The following JAK1 variants were observed in gnomAD, a reference collection of about 807,000 sequenced individuals.
The protein encoded by JAK1 is Janus kinase 1.
JAK1 carries 16 observed loss-of-function variants against 136.6 expected under a neutral mutation model. The observed-to-expected ratio is 0.12, with a 90% CI of 0.08 to 0.18. The LOEUF (loss-of-function observed/expected upper bound fraction) is 0.18. JAK1 is among the 10% of genes least tolerant of loss of function. The pLI is 1.00. For missense variants in JAK1, 859 were observed against 1,450.1 expected (o/e 0.59, Z 6.62); for synonymous variants, 492 against 519.5 (o/e 0.95, Z 0.72).
chr1:65,030,496 A>T (rs1484491747), intron 2 of JAK1, among the ~76,000 whole-genome samples: 1 of 152,010 alleles, frequency 6.6e-6, no homozygotes, highest in East Asian at 1.9e-4. Flanking sequence ...GTGTTTGATG[A>T]GGAACAGAAT....
chr1:64,853,442 C>T (rs974390599), intron 11 of JAK1, among the ~76,000 whole-genome samples: 20 of 152,172 alleles, frequency 1.3e-4, no homozygotes, highest in African/African-American at 4.8e-4. Flanking sequence ...CCTAAGTGAT[C>T]TTGGGCATGT....
At chr1:64,960,758 T>C (rs1205943427) in intron 1 of JAK1, among the ~76,000 whole-genome samples, 5 of 152,262 alleles carry the variant, frequency 3.3e-5, no homozygotes, top group Non-Finnish European at 5.9e-5. Context: ...CAGACCTTCT[T>C]ACATACCTCC....
In JAK1 at chr1:64,999,993, G is replaced by GTT. The variant is rs370410704; in HGVS notation, c.-78+44485_-78+44486dup. Among the ~76,000 whole-genome samples the GTT allele has an allele frequency of 2.6e-3, 370 of 141,576 alleles. 2 individuals are homozygous for GTT. The highest frequency in any genetic ancestry group is 8.0e-3 in the African/African-American group (312 of 38,896). The allele number at this position is 141,576 out of a possible 152,430, so 92.9% of individuals were successfully genotyped here. A position where few individuals can be genotyped will look rare whatever the true frequency, so the allele number is the denominator to read the frequency against. On this transcript the variant is annotated intron_variant, in intron 2 of 25. Transcript: ENST00000671954. ...TGGGGGTTGGGGGAGAGAATCATAA[G>GTT]TTTTTTTTTTTTTTTTAAGATGGAG... is the stretch of plus-strand genomic sequence containing the variant.
At chr1:64,986,517 T>C (rs1027510511) in intron 2 of JAK1, among the ~76,000 whole-genome samples, 2 of 152,170 alleles carry the variant, frequency 1.3e-5, no homozygotes, top group African/African-American at 4.8e-5. Context: ...GCAAGTTTTC[T>C]CCAGGTCCTC....
At chr1:65,054,718 C>T (rs993945542) in intron 1 of JAK1, among the ~76,000 whole-genome samples, 1 of 152,160 alleles carries the variant, frequency 6.6e-6, no homozygotes, top group African/African-American at 2.4e-5. Context: ...AGAGATGCCA[C>T]ATCAGGTGAC....
At chr1:65,016,948 A>G (rs1646896482) in intron 2 of JAK1, among the ~76,000 whole-genome samples, 1 of 152,186 alleles carries the variant, frequency 6.6e-6, no homozygotes, top group Non-Finnish European at 1.5e-5. Flanking sequence ...TTTACTGTAT[A>G]CATTTTATCA....
chr1:64,891,993 G>C (rs965986549), intron 1 of JAK1, among the ~76,000 whole-genome samples: 3 of 152,266 alleles, frequency 2.0e-5, no homozygotes, highest in Non-Finnish European at 4.4e-5. Context: ...TTCAGTGAGA[G>C]ACAGTTTTTG....
intron 1 of JAK1, among the ~76,000 whole-genome samples, chr1:64,952,042 G>T (rs1244685595): frequency 6.6e-6 from 1 of 152,094 alleles, no homozygotes. Flanking sequence ...CAGTAAATGT[G>T]GTTAAGTTTC....
At chr1:65,020,221 G>A (rs751186040) in intron 2 of JAK1, among the ~76,000 whole-genome samples, 12 of 94,622 alleles carry the variant, frequency 1.3e-4, no homozygotes, top group African/African-American at 1.8e-4. Context: ...GCAAAACTCC[G>A]TCTCAAAAAA....
At chr1:64,971,366 A>AT (rs969625532), upstream of JAK1, among the ~76,000 whole-genome samples, 2 of 151,732 alleles carry the variant, frequency 1.3e-5, no homozygotes, top group East Asian at 1.9e-4. Context: ...CATGCAAATA[A>AT]TTTTTTTTTG....
intron 2 of JAK1, among the ~76,000 whole-genome samples, chr1:64,979,386 G>A (rs1013595594): frequency 2.0e-5 from 3 of 152,142 alleles, no homozygotes; most frequent in African/African-American, 4.8e-5. Context: ...GTGACAGAGT[G>A]AGACCTCACT....
chr1:64,903,080 G>A (rs951165717), intron 1 of JAK1, among the ~76,000 whole-genome samples: 9 of 152,176 alleles, frequency 5.9e-5, no homozygotes, highest in Non-Finnish European at 1.0e-4. Context: ...AGGCTGGAGT[G>A]CAATGGCATG....
chr1:64,906,391 TG>T (rs1427063740), intron 1 of JAK1, among the ~76,000 whole-genome samples: 1 of 151,558 alleles, frequency 6.6e-6, no homozygotes, highest in Non-Finnish European at 1.5e-5. Context: ...AAAAGCAACC[TG>T]GAATTCCCAC....
intron 23 of JAK1, 45 bp from the exon 24 acceptor site, chr1:64,835,551 T>C: frequency 8.7e-7 from 1 of 1,145,642 alleles, no homozygotes; most frequent in Non-Finnish European, 1.3e-6. Flanking sequence ...TTGCAAGTAT[T>C]TACATAAATG....
At chr1:64,995,164 A>T (rs1396464141) in intron 2 of JAK1, 5 of 152,208 alleles carry the variant, frequency 3.3e-5, no homozygotes, top group Admixed American at 2.6e-4. Context: ...TGACTCAACC[A>T]ATTAACCAAT....
At chr1:64,976,059 T>C (rs976979553) in intron 2 of JAK1, among the ~76,000 whole-genome samples, 4 of 152,232 alleles carry the variant, frequency 2.6e-5, no homozygotes, top group African/African-American at 9.6e-5. Context: ...ACAGTTCCCA[T>C]TGGGTCACTG....
At chr1:64,842,275 G>A (rs1179753945) in intron 17 of JAK1, among the ~76,000 whole-genome samples, 1 of 151,692 alleles carries the variant, frequency 6.6e-6, no homozygotes, top group East Asian at 1.9e-4. Context: ...TGCAGTGATT[G>A]CTGTTTTCTT....
chr1:64,840,534 C>T (rs1189111023), intron 19 of JAK1, among the ~76,000 whole-genome samples: 1 of 152,186 alleles, frequency 6.6e-6, no homozygotes, highest in Admixed American at 6.5e-5. Context: ...TAAACCTATC[C>T]CTGCTCTAAA....
At chr1:64,890,030 T>C (rs1644911767) in intron 1 of JAK1, among the ~76,000 whole-genome samples, 1 of 152,176 alleles carries the variant, frequency 6.6e-6, no homozygotes, top group Non-Finnish European at 1.5e-5. Flanking sequence ...ATTTCTGAAG[T>C]AGAAAATACA....
Sources: allele counts gnomAD v4.1 joint callset (sites outside exome capture counted in the v4.1 genomes callset), GRCh38; gene constraint gnomAD v4.1.1; transcripts MANE v1.5; gene names NCBI Gene and HGNC (gene_info 2026-07-23, HGNC 2026-07-21).